The following YAP1 variants were observed in gnomAD, a reference collection of about 807,000 sequenced individuals.
YAP1 encodes the protein transcriptional coactivator YAP1.
YAP1 carries 5 observed loss-of-function variants against 56.9 expected under a neutral mutation model. That is an observed-to-expected ratio of 0.09 (90% CI 0.05 to 0.18). YAP1 has a LOEUF of 0.18. Ranked by LOEUF, YAP1 falls within the 10% of genes least tolerant of loss-of-function variation. The probability of loss-of-function intolerance (pLI) is 1.00; values close to 1 mark genes in which losing one functional copy is unlikely to be tolerated. For synonymous variants in YAP1, 265 were observed against 248.1 expected (o/e 1.07, Z -0.64); for missense variants, 539 against 651.8 (o/e 0.83, Z 1.88).
At chr11:102,216,526 G>A (rs1285756727) in intron 6 of YAP1, among the ~76,000 whole-genome samples, 1 of 152,046 alleles carries the variant, frequency 6.6e-6, no homozygotes, top group Non-Finnish European at 1.5e-5. Flanking sequence ...CATTTTCAGT[G>A]AATATCAACA....
intron 7 of YAP1, among the ~76,000 whole-genome samples, chr11:102,224,842 G>A (rs1835583932): frequency 6.6e-6 from 1 of 152,220 alleles, no homozygotes; most frequent in South Asian, 2.1e-4. Flanking sequence ...CTAATTAAGA[G>A]AGGCATAGCC....
intron 2 of YAP1, among the ~76,000 whole-genome samples, chr11:102,129,249 C>A (rs1944231132): frequency 6.6e-6 from 1 of 150,610 alleles, no homozygotes; most frequent in Non-Finnish European, 1.5e-5. Flanking sequence ...ATTTTTTTTT[C>A]TATATACTAT....
chr11:102,178,783 TGA>T (rs1165078308), intron 3 of YAP1, among the ~76,000 whole-genome samples: 1 of 152,168 alleles, frequency 6.6e-6, no homozygotes. Flanking sequence ...TAACTGAAAC[TGA>T]GTAATTTATA....
At chr11:102,193,497 AAGGT>A (rs1444261134) in intron 4 of YAP1, among the ~76,000 whole-genome samples, 2 of 152,186 alleles carry the variant, frequency 1.3e-5, no homozygotes, top group African/African-American at 4.8e-5. Context: ...AATATCCAGT[AAGGT>A]AGTTCCAAAA....
chr11:102,121,917 C>T (rs530730564), intron 2 of YAP1, among the ~76,000 whole-genome samples: 1 of 152,242 alleles, frequency 6.6e-6, no homozygotes, highest in South Asian at 2.1e-4. Flanking sequence ...CCCACCTGAG[C>T]CTCCTGAGTA....
chr11:102,216,577 G>A (rs1205394058), intron 6 of YAP1, among the ~76,000 whole-genome samples: 1 of 151,998 alleles, frequency 6.6e-6, no homozygotes, highest in Non-Finnish European at 1.5e-5. Flanking sequence ...CTCTTTTGTA[G>A]ACAGTCCAAT....
chr11:102,112,985 AGTTTT>A (rs1943054617), intron 1 of YAP1, among the ~76,000 whole-genome samples: 1 of 152,074 alleles, frequency 6.6e-6, no homozygotes. Flanking sequence ...AAACTATTAT[AGTTTT>A]GTTTGTTTTA....
At chr11:102,198,656 C>A (rs550489392) in intron 4 of YAP1, among the ~76,000 whole-genome samples, 1 of 152,048 alleles carries the variant, frequency 6.6e-6, no homozygotes, top group Non-Finnish European at 1.5e-5. Context: ...TGCTTGGAAC[C>A]AAAAACACTT....
At chr11:102,112,831 C>T (rs994451157) in intron 1 of YAP1, 10 of 944,052 alleles carry the variant, frequency 1.1e-5, no homozygotes, top group Non-Finnish European at 1.3e-5. Flanking sequence ...ACAGACTGCA[C>T]GGTATGTTTT....
At chr11:102,194,133 T>C (rs1259958304) in intron 4 of YAP1, among the ~76,000 whole-genome samples, 1 of 152,224 alleles carries the variant, frequency 6.6e-6, no homozygotes, top group Non-Finnish European at 1.5e-5. Flanking sequence ...AAGGAAACTT[T>C]TTCAAGTTAT....
intron 2 of YAP1, among the ~76,000 whole-genome samples, chr11:102,119,840 A>G (rs1943541621): frequency 6.6e-6 from 1 of 152,204 alleles, no homozygotes; most frequent in African/African-American, 2.4e-5. Flanking sequence ...CAAAATATAT[A>G]TAGAAATTTA....
chr11:102,123,863 G>A (rs1026769019), intron 2 of YAP1, among the ~76,000 whole-genome samples: 7 of 151,634 alleles, frequency 4.6e-5, no homozygotes, highest in Non-Finnish European at 1.0e-4. Context: ...TCCTGACCTC[G>A]TGATCCGCCC....
chr11:102,117,356 A>G (rs1943352319), intron 2 of YAP1, among the ~76,000 whole-genome samples: 1 of 152,246 alleles, frequency 6.6e-6, no homozygotes, highest in South Asian at 2.1e-4. Flanking sequence ...ATTTTAATGC[A>G]TCTTTTTAGA....
At chr11:102,149,855 T>C (rs1461483185) in intron 2 of YAP1, among the ~76,000 whole-genome samples, 3 of 152,120 alleles carry the variant, frequency 2.0e-5, no homozygotes, top group Non-Finnish European at 4.4e-5. Flanking sequence ...ATGACTTTGC[T>C]CATAGTTGTT....
At chr11:102,181,346 T>C (rs917301746) in intron 3 of YAP1, among the ~76,000 whole-genome samples, 1 of 151,844 alleles carries the variant, frequency 6.6e-6, no homozygotes, top group Non-Finnish European at 1.5e-5. Context: ...CTTGGGAGGC[T>C]GAGGCAGGAG....
intron 6 of YAP1, among the ~76,000 whole-genome samples, chr11:102,211,093 T>G (rs1181982221): frequency 6.6e-6 from 1 of 152,280 alleles, no homozygotes; most frequent in East Asian, 1.9e-4. Flanking sequence ...TCATGATAAA[T>G]GAAATAGAAA....
intron 3 of YAP1, among the ~76,000 whole-genome samples, chr11:102,177,746 C>T (rs554754127): frequency 1.1e-3 from 167 of 151,722 alleles, no homozygotes; most frequent in Admixed American, 3.0e-3. Flanking sequence ...TTGAAGAAAC[C>T]CCACTCAAAA....
intron 3 of YAP1, among the ~76,000 whole-genome samples, chr11:102,173,155 C>T (rs959334351): frequency 1.3e-5 from 2 of 151,930 alleles, no homozygotes; most frequent in East Asian, 1.9e-4. Flanking sequence ...TACTAGTGGA[C>T]GAGTGGGAAG....
At chr11:102,161,053 C>CT (rs67023819) in intron 2 of YAP1, among the ~76,000 whole-genome samples, 3,317 of 75,444 alleles carry the variant, frequency 0.044, 167 homozygotes, top group African/African-American at 0.067. Flanking sequence ...TAATTTCTTT[C>CT]TTTTTTTTTT....
Sources: allele counts gnomAD v4.1 joint callset (sites outside exome capture counted in the v4.1 genomes callset), GRCh38; gene constraint gnomAD v4.1.1; transcripts MANE v1.5; gene names NCBI Gene and HGNC (gene_info 2026-07-23, HGNC 2026-07-21).